MECOM: variants seen among roughly 807,000 people sequenced by gnomAD.
MECOM encodes the protein histone-lysine N-methyltransferase MECOM.
A neutral mutation model predicts 116.3 loss-of-function variants in MECOM; 13 were observed. That is an observed-to-expected ratio of 0.11 (90% CI 0.07 to 0.18). The LOEUF is 0.18. MECOM is among the 10% of genes least tolerant of loss of function. The pLI, the probability that MECOM is intolerant of heterozygous loss-of-function variation, is 1.00. For missense variants in MECOM, 1,299 were observed against 1,509.0 expected, an observed-to-expected ratio of 0.86 and a Z score of 2.31; for synonymous variants, 528 against 535.2, an observed-to-expected ratio of 0.99 and a Z score of 0.19.
At chr3:169,123,282 GATGCATGGATAT>G (rs534874568) in intron 5 of MECOM, among the ~76,000 whole-genome samples, 8 of 149,532 alleles carry the variant, frequency 5.4e-5, no homozygotes, top group African/African-American at 2.0e-4. Flanking sequence ...TGGATGGACT[GATGCATGGATAT>G]ATGCATGGAT....
chr3:169,372,323 A>G (rs1240667399), intron 2 of MECOM, among the ~76,000 whole-genome samples: 1 of 152,116 alleles, frequency 6.6e-6, no homozygotes, highest in Non-Finnish European at 1.5e-5. Context: ...GTAATGGCCA[A>G]TGATAATAAA....
At chr3:169,413,528 G>A (rs1737969587) in intron 1 of MECOM, among the ~76,000 whole-genome samples, 1 of 148,046 alleles carries the variant, frequency 6.8e-6, no homozygotes, top group Admixed American at 6.8e-5. Context: ...TGGAACTCCA[G>A]TGAGACAGAA....
At chr3:169,644,988 T>C (rs1021864310) in intron 1 of MECOM, among the ~76,000 whole-genome samples, 1 of 152,132 alleles carries the variant, frequency 6.6e-6, no homozygotes, top group Non-Finnish European at 1.5e-5. Flanking sequence ...TACACACAAA[T>C]GACTGTGTTT....
chr3:169,477,656 C>T (rs1750694528), intron 1 of MECOM, among the ~76,000 whole-genome samples: 1 of 152,170 alleles, frequency 6.6e-6, no homozygotes, highest in Non-Finnish European at 1.5e-5. Context: ...CACCTTTCTT[C>T]TTAACCTTTG....
At chr3:169,087,971 G>C (rs1171840139) in intron 16 of MECOM, among the ~76,000 whole-genome samples, 2 of 152,156 alleles carry the variant, frequency 1.3e-5, no homozygotes, top group African/African-American at 2.4e-5. Context: ...TAATATCTCA[G>C]AACTTTTTAC....
chr3:169,265,112 T>G (rs1425354844), intron 2 of MECOM, among the ~76,000 whole-genome samples: 3 of 152,252 alleles, frequency 2.0e-5, no homozygotes, highest in Non-Finnish European at 4.4e-5. Flanking sequence ...GGAAGATTTT[T>G]TTTAACCTTA....
intron 2 of MECOM, among the ~76,000 whole-genome samples, chr3:169,180,216 T>C (rs981627691): frequency 6.6e-6 from 1 of 152,212 alleles, no homozygotes; most frequent in African/African-American, 2.4e-5. Flanking sequence ...TGTATAGCTA[T>C]TTGTAAGGTC....
intron 2 of MECOM, among the ~76,000 whole-genome samples, chr3:169,183,734 C>T (rs1577279482): frequency 1.5e-5 from 2 of 136,236 alleles, no homozygotes; most frequent in South Asian, 2.6e-4. Context: ...GCAACTGATA[C>T]GTTAAGGACT....
In MECOM at chr3:169,115,461, T is replaced by G. The variant is rs1728856100; in HGVS notation, c.2411A>C (p.Asn804Thr). Reference sequence around the variant, plus strand: ...ATCTGAAGCAGGTCTTGATTCGACGTTGCTTCCTTTTTTTCCCCCAAACAC... The same window carrying G: ...ATCTGAAGCAGGTCTTGATTCGACGGTGCTTCCTTTTTTTCCCCCAAACAC... ...NHVFGGKKGS[N>T]VESRPASDGS... Residue 804 changes from asparagine (N) to threonine (T), a missense_variant, in exon 8 of 17, where the codon AAC becomes ACC. Asn to Thr is a moderately conservative substitution (Grantham distance 65). Coordinates refer to ENST00000651503, the MANE Select transcript of MECOM (RefSeq NM_004991.4). 17 of 1,614,064 alleles carry G rather than the reference T, an allele frequency of 1.1e-5. No homozygotes were observed. The highest frequency in any genetic ancestry group is 1.3e-5 in the Non-Finnish European group (15 of 1,180,044).
intron 2 of MECOM, among the ~76,000 whole-genome samples, chr3:169,161,234 C>A (rs1577216460): frequency 6.6e-6 from 1 of 152,178 alleles, no homozygotes; most frequent in African/African-American, 2.4e-5. Context: ...CATAAGGGAA[C>A]TGAACCATGC....
chr3:169,197,793 C>T (rs1373604889), intron 2 of MECOM, among the ~76,000 whole-genome samples: 1 of 151,994 alleles, frequency 6.6e-6, no homozygotes, highest in Non-Finnish European at 1.5e-5. Context: ...TGACTGATCT[C>T]TTTATAAAAT....
At chr3:169,392,507 T>G (rs1734371267) in intron 1 of MECOM, among the ~76,000 whole-genome samples, 1 of 152,172 alleles carries the variant, frequency 6.6e-6, no homozygotes, top group Non-Finnish European at 1.5e-5. Context: ...CCAAAACATT[T>G]ATTCAATAAA....
intron 1 of MECOM, among the ~76,000 whole-genome samples, chr3:169,495,771 A>C (rs6797464): frequency 6.6e-6 from 1 of 152,124 alleles, no homozygotes; most frequent in Non-Finnish European, 1.5e-5. Flanking sequence ...CATTAGTCAC[A>C]TTGTACTTAC....
At chr3:169,169,761 A>G (rs73170017) in intron 2 of MECOM, among the ~76,000 whole-genome samples, 10,696 of 152,132 alleles carry the variant, frequency 0.07, 478 homozygotes, top group South Asian at 0.19. Context: ...TCAGAAGTTT[A>G]TTTTAATAAA....
intron 2 of MECOM, among the ~76,000 whole-genome samples, chr3:169,186,343 G>GGGAA (rs1331901039): frequency 1.4e-3 from 112 of 80,170 alleles, no homozygotes; most frequent in African/African-American, 1.9e-3. Context: ...GAGGGAGGGA[G>GGGAA]GGAAGGAAGG....
chr3:169,261,593 C>T (rs990593078), intron 2 of MECOM, among the ~76,000 whole-genome samples: 3 of 151,994 alleles, frequency 2.0e-5, no homozygotes, highest in East Asian at 3.9e-4. Flanking sequence ...CCCAGCTACT[C>T]GGGAGGCTGA....
intron 1 of MECOM, among the ~76,000 whole-genome samples, chr3:169,577,301 A>T (rs1296898577): frequency 1.3e-5 from 2 of 152,214 alleles, no homozygotes; most frequent in African/African-American, 4.8e-5. Context: ...AGCAGATAAT[A>T]TGTTTTGAGT....
chr3:169,439,552 T>C (rs1027562340), intron 1 of MECOM, among the ~76,000 whole-genome samples: 3 of 152,074 alleles, frequency 2.0e-5, no homozygotes, highest in African/African-American at 7.2e-5. Flanking sequence ...TGTAATGAGA[T>C]AGTATTTTAC....
chr3:169,127,896 G>T lies in MECOM; in HGVS notation c.778C>A (p.His260Asn). The T allele has an allele frequency of 6.2e-7, 1 of 1,614,034 alleles. No homozygotes were observed. Among genetic ancestry groups the T allele is most frequent in the South Asian group, 1.1e-5 (1 of 91,076 alleles). Reference sequence around the variant, plus strand: ...CATTCCTTACACTCCTGGATCGTGTGTATCTCTTGGAGATCATTCTCGCTT... The same window carrying T: ...CATTCCTTACACTCCTGGATCGTGTTTATCTCTTGGAGATCATTCTCGCTT... Reference protein sequence around the residue: ...LESENDLQEIHTIQECKECDQ... With the variant: ...LESENDLQEINTIQECKECDQ... Residue 260 changes from histidine to asparagine, a missense_variant, in exon 5 of 17, where the codon CAC becomes AAC. Transcript: ENST00000651503.
Sources: gnomAD v4.1 joint callset for allele counts (sites outside exome capture counted in the v4.1 genomes callset) on GRCh38, gnomAD v4.1.1 for gene constraint, MANE v1.5 for transcripts, NCBI Gene and HGNC (gene_info 2026-07-23, HGNC 2026-07-21) for gene names.